AMBRA1: variants seen among roughly 807,000 people sequenced by gnomAD.
The protein encoded by AMBRA1 is autophagy and beclin 1 regulator 1.
AMBRA1 carries 47 observed loss-of-function variants against 125.4 expected under a neutral mutation model. The ratio of observed to expected loss-of-function variants is 0.37; its 90% CI spans 0.30 to 0.48. The LOEUF (loss-of-function observed/expected upper bound fraction) is 0.48, where lower values mean the gene tolerates loss of function less well. Ranked by LOEUF, AMBRA1 falls within the 20% of genes least tolerant of loss-of-function variation. The probability of loss-of-function intolerance (pLI) is 0.99; values close to 1 mark genes in which losing one functional copy is unlikely to be tolerated. For synonymous variants in AMBRA1, 626 were observed against 655.5 expected (o/e 0.95, Z 0.69); for missense variants, 1,331 against 1,693.4 (o/e 0.79, Z 3.76).
chr11:46,475,969 C>G (rs1278859843), intron 11 of AMBRA1, among the ~76,000 whole-genome samples: 3 of 152,186 alleles, frequency 2.0e-5, no homozygotes, highest in Non-Finnish European at 4.4e-5. Flanking sequence ...GAAAAGAACA[C>G]TGTTCCCCTC....
intron 1 of AMBRA1, among the ~76,000 whole-genome samples, chr11:46,568,901 G>A (rs766624950): frequency 6.8e-6 from 1 of 146,018 alleles, no homozygotes; most frequent in Non-Finnish European, 1.5e-5. Flanking sequence ...CCGCCTCCCA[G>A]GTTCAATCGA....
At chr11:46,536,845 A>C (rs1952502616) in intron 7 of AMBRA1, among the ~76,000 whole-genome samples, 1 of 152,218 alleles carries the variant, frequency 6.6e-6, no homozygotes, top group Admixed American at 6.5e-5. Context: ...TGATGGCCAC[A>C]TTTCACACTA....
At chr11:46,434,705 A>G in intron 13 of AMBRA1, 144 bp downstream of exon 13, 1 of 890,532 alleles carries the variant, frequency 1.1e-6, no homozygotes, top group Non-Finnish European at 1.7e-6. Context: ...ACTCCTGCAA[A>G]GCAATCTTTC....
intron 1 of AMBRA1, among the ~76,000 whole-genome samples, chr11:46,580,506 TC>T (rs2044132428): frequency 6.6e-6 from 1 of 152,178 alleles, no homozygotes; most frequent in Admixed American, 6.6e-5. Flanking sequence ...CTCCAATGTT[TC>T]CATCTCAGAA....
chr11:46,439,186 AT>A (rs1164041925), intron 12 of AMBRA1, among the ~76,000 whole-genome samples: 2 of 152,144 alleles, frequency 1.3e-5, no homozygotes, highest in Non-Finnish European at 2.9e-5. Context: ...AGGCAGGAGG[AT>A]CATTTGAGCT....
chr11:46,538,085 AG>A (rs1482115504), intron 7 of AMBRA1, among the ~76,000 whole-genome samples: 1 of 152,234 alleles, frequency 6.6e-6, no homozygotes, highest in Non-Finnish European at 1.5e-5. Flanking sequence ...TAGAAGGCAG[AG>A]GAAGAGGCAG....
chr11:46,583,573 A>C (rs1399102004), intron 1 of AMBRA1, among the ~76,000 whole-genome samples: 152 of 138,056 alleles, frequency 1.1e-3, no homozygotes, highest in African/African-American at 3.8e-3. Context: ...CAACCTACAA[A>C]ATGGGAGAAA....
intron 14 of AMBRA1, among the ~76,000 whole-genome samples, chr11:46,429,487 T>C (rs1228842794): frequency 6.6e-6 from 1 of 152,218 alleles, no homozygotes. Context: ...CACTAATCCT[T>C]ATTCTTGCTT....
At chr11:46,411,282 C>T (rs1353264630) in intron 15 of AMBRA1, among the ~76,000 whole-genome samples, 1 of 152,174 alleles carries the variant, frequency 6.6e-6, no homozygotes, top group African/African-American at 2.4e-5. Context: ...CCATAAAGAG[C>T]AAACATCCCC....
intron 12 of AMBRA1, among the ~76,000 whole-genome samples, chr11:46,442,503 A>G (rs181475046): frequency 1.3e-5 from 2 of 152,248 alleles, no homozygotes; most frequent in Non-Finnish European, 2.9e-5. Context: ...AGTGTGGTCT[A>G]TCATCAGAAG....
chr11:46,562,424 C>T (rs1279794337), intron 1 of AMBRA1, among the ~76,000 whole-genome samples: 2 of 152,022 alleles, frequency 1.3e-5, no homozygotes, highest in African/African-American at 2.4e-5. Context: ...AGGATTTTAG[C>T]TAAGGAAATG....
At chr11:46,575,852 C>T (rs895400298) in intron 1 of AMBRA1, among the ~76,000 whole-genome samples, 2 of 152,174 alleles carry the variant, frequency 1.3e-5, no homozygotes, top group African/African-American at 2.4e-5. Context: ...ACCAAAAATA[C>T]ATCTATGTCA....
intron 11 of AMBRA1, among the ~76,000 whole-genome samples, chr11:46,449,949 T>C (rs569072032): frequency 6.8e-4 from 103 of 151,988 alleles, no homozygotes; most frequent in African/African-American, 2.2e-3. Context: ...ATCCCAGCTA[T>C]TCAGGAGGCT....
intron 11 of AMBRA1, among the ~76,000 whole-genome samples, chr11:46,470,354 C>T (rs1484152136): frequency 6.6e-6 from 1 of 151,900 alleles, no homozygotes; most frequent in Non-Finnish European, 1.5e-5. Flanking sequence ...TTTGGGAGTC[C>T]GAGACGGGCG....
intron 7 of AMBRA1, chr11:46,518,025 T>C (rs1054063894): frequency 3.1e-5 from 23 of 742,372 alleles, no homozygotes; most frequent in South Asian, 6.1e-5. Flanking sequence ...GAATCCTCTA[T>C]ACGTTTTCTG....
chr11:46,449,946 C>A (rs1377687278), intron 11 of AMBRA1, among the ~76,000 whole-genome samples: 1 of 151,770 alleles, frequency 6.6e-6, no homozygotes, highest in Non-Finnish European at 1.5e-5. Context: ...GTAATCCCAG[C>A]TATTCAGGAG....
chr11:46,410,430 A>C, intron 15 of AMBRA1, 62 bp from the exon 16 acceptor site: 1 of 1,437,626 alleles, frequency 7.0e-7, no homozygotes. Flanking sequence ...GAAGGATAAG[A>C]GCTCCTGAAA....
intron 1 of AMBRA1, among the ~76,000 whole-genome samples, chr11:46,585,353 T>A (rs1252584740): frequency 4.7e-5 from 7 of 148,034 alleles, no homozygotes; most frequent in African/African-American, 1.7e-4. Context: ...TCAATAAAAA[T>A]AAATAAATAA....
intron 11 of AMBRA1, among the ~76,000 whole-genome samples, chr11:46,462,655 C>T (rs1473845455): frequency 6.6e-6 from 1 of 152,114 alleles, no homozygotes; most frequent in East Asian, 1.9e-4. Context: ...ATACTGCCCC[C>T]ACTATCTAGA....
Sources: gnomAD v4.1 joint callset for allele counts (sites outside exome capture counted in the v4.1 genomes callset) on GRCh38, gnomAD v4.1.1 for gene constraint, MANE v1.5 for transcripts, NCBI Gene and HGNC (gene_info 2026-07-23, HGNC 2026-07-21) for gene names.